Variants in BNC2 observed in about 807,000 individuals in gnomAD.
BNC2 encodes the protein zinc finger protein basonuclin-2.
A neutral mutation model predicts 76.3 loss-of-function variants in BNC2; 20 were observed. That is an observed-to-expected ratio of 0.26 (90% CI 0.18 to 0.38). The LOEUF (loss-of-function observed/expected upper bound fraction) is 0.38, where lower values mean the gene tolerates loss of function less well. BNC2 is among the 10% of genes least tolerant of loss of function. The pLI is 1.00. For missense variants in BNC2, 1,382 were observed against 1,399.8 expected (o/e 0.99, Z 0.20); for synonymous variants, 582 against 514.8 (o/e 1.13, Z -1.77).
At chr9:16,493,852 CAG>C (rs1273045439) in intron 5 of BNC2, among the ~76,000 whole-genome samples, 1 of 152,074 alleles carries the variant, frequency 6.6e-6, no homozygotes, top group Non-Finnish European at 1.5e-5. Context: ...TAGAAAGGCA[CAG>C]AGAGTGGAGG....
At chr9:16,454,340 T>G (rs574352760) in intron 5 of BNC2, among the ~76,000 whole-genome samples, 140 of 114,314 alleles carry the variant, frequency 1.2e-3, no homozygotes, top group African/African-American at 6.6e-3. Context: ...TCTCACTCTG[T>G]TGCCCAGGCT....
chr9:16,635,757 A>G (rs1821304393), intron 3 of BNC2, among the ~76,000 whole-genome samples: 1 of 152,248 alleles, frequency 6.6e-6, no homozygotes, highest in South Asian at 2.1e-4. Context: ...TCAACAGATA[A>G]GCTACAGAAA....
At chr9:16,804,742 T>C (rs752489329) in intron 1 of BNC2, among the ~76,000 whole-genome samples, 1 of 152,114 alleles carries the variant, frequency 6.6e-6, no homozygotes, top group Non-Finnish European at 1.5e-5. Context: ...TTTTCACTGC[T>C]TGGGGGAGAT....
rs532693424 is a variant in BNC2, at chr9:16,818,897, G to C, written c.3+51749C>G. The stretch of plus-strand genomic sequence containing the variant: ...AAGCGGTTAAGAAGTACTTTAGCTA[G>C]AGAATACTGCAGATCTCTTCCATTT... On this transcript the variant is annotated intron_variant, in intron 1 of 6. Coordinates refer to ENST00000380672, the MANE Select transcript of BNC2 (RefSeq NM_017637.6). 3.9e-5 allele frequency among the ~76,000 whole-genome samples: 6 copies of C among 152,234 alleles called. No homozygotes were observed. In the East Asian group the frequency reaches 7.7e-4, roughly 20 times the overall value.
chr9:16,723,299 T>C (rs865998628), intron 3 of BNC2, among the ~76,000 whole-genome samples: 5 of 152,078 alleles, frequency 3.3e-5, no homozygotes, highest in African/African-American at 1.2e-4. Flanking sequence ...ATCAGCTGCT[T>C]TACTCAGGGC....
At chr9:16,734,703 GA>G (rs1824613905) in intron 2 of BNC2, among the ~76,000 whole-genome samples, 1 of 152,128 alleles carries the variant, frequency 6.6e-6, no homozygotes, top group East Asian at 1.9e-4. Context: ...TTACACATAA[GA>G]ACATGATATC....
intron 3 of BNC2, among the ~76,000 whole-genome samples, chr9:16,707,969 C>A (rs1563909090): frequency 2.6e-5 from 4 of 152,146 alleles, no homozygotes; most frequent in Admixed American, 1.3e-4. Flanking sequence ...TAAGTATTCA[C>A]TACTATGGTA....
At chr9:16,840,915 T>C (rs1049890766) in intron 1 of BNC2, among the ~76,000 whole-genome samples, 10 of 152,222 alleles carry the variant, frequency 6.6e-5, no homozygotes, top group African/African-American at 1.9e-4. Context: ...GGCCTAACTG[T>C]AGATAATATT....
intron 1 of BNC2, among the ~76,000 whole-genome samples, chr9:16,746,304 A>C (rs1034903940): frequency 6.6e-6 from 1 of 152,092 alleles, no homozygotes; most frequent in Non-Finnish European, 1.5e-5. Context: ...ACCTGACTGC[A>C]ATCAGTGTCA....
intron 5 of BNC2, among the ~76,000 whole-genome samples, chr9:16,540,487 TA>T (rs1333365943): frequency 6.6e-6 from 1 of 152,192 alleles, no homozygotes; most frequent in Non-Finnish European, 1.5e-5. Flanking sequence ...TCTCTATATC[TA>T]AAACTTTGAC....
intron 3 of BNC2, among the ~76,000 whole-genome samples, chr9:16,698,880 G>A (rs536821093): frequency 6.6e-6 from 1 of 152,274 alleles, no homozygotes; most frequent in Admixed American, 6.5e-5. Context: ...CAGTTCCTTG[G>A]TGATAGCCCT....
At position 16,745,445 on chromosome 9, in the gene BNC2, T is replaced by C. The variant is rs146332156; in HGVS notation, c.4-6960A>G. On this transcript the variant is annotated intron_variant, in intron 1 of 6. Coordinates refer to ENST00000380672, the MANE Select transcript of BNC2 (RefSeq NM_017637.6). Reference sequence around the variant, plus strand: ...GTGAGGCGTTAAAGAATTAAAGATATGGTAACAGAAACGTATGTTCCTTCC... The same window carrying C: ...GTGAGGCGTTAAAGAATTAAAGATACGGTAACAGAAACGTATGTTCCTTCC... Among the ~76,000 whole-genome samples, 838 of 152,292 alleles carry C rather than the reference T, an allele frequency of 5.5e-3. 15 individuals carry two copies. Among genetic ancestry groups the C allele is most frequent in the South Asian group, 0.025 (120 of 4,818 alleles).
At chr9:16,582,855 A>T (rs1290672413) in intron 4 of BNC2, 128 bp downstream of exon 4, 40 of 727,808 alleles carry the variant, frequency 5.5e-5, no homozygotes, top group Non-Finnish European at 8.5e-5. Context: ...AGCACAGCTG[A>T]CCTCTCTCTT....
chr9:16,590,309 C>T (rs1819889174), intron 3 of BNC2, among the ~76,000 whole-genome samples: 1 of 152,068 alleles, frequency 6.6e-6, no homozygotes, highest in South Asian at 2.1e-4. Context: ...TCTCCTGCCT[C>T]AGCCTCCCAC....
At chr9:16,661,786 C>T (rs1407074353) in intron 3 of BNC2, among the ~76,000 whole-genome samples, 1 of 152,026 alleles carries the variant, frequency 6.6e-6, no homozygotes, top group African/African-American at 2.4e-5. Flanking sequence ...TGTAAATACA[C>T]ATAAGAAAAA....
At chr9:16,835,028 A>G (rs1818669151) in intron 1 of BNC2, among the ~76,000 whole-genome samples, 1 of 152,184 alleles carries the variant, frequency 6.6e-6, no homozygotes, top group Non-Finnish European at 1.5e-5. Flanking sequence ...AGCGAGTTTC[A>G]TTCACTTATA....
chr9:16,838,629 C>T (rs1343429026), intron 1 of BNC2, among the ~76,000 whole-genome samples: 1 of 152,174 alleles, frequency 6.6e-6, no homozygotes, highest in Non-Finnish European at 1.5e-5. Context: ...AAAAACTGAT[C>T]ACCACAGAAT....
At chr9:16,642,611 C>A (rs1007540647) in intron 3 of BNC2, among the ~76,000 whole-genome samples, 1 of 152,164 alleles carries the variant, frequency 6.6e-6, no homozygotes, top group Non-Finnish European at 1.5e-5. Flanking sequence ...AGTGGCCAAG[C>A]GTCCATTTGG....
chr9:16,613,326 A>G lies in BNC2; in HGVS notation c.331-30241T>C, dbSNP rs2133455488. Among the ~76,000 whole-genome samples the G allele has an allele frequency of 2.6e-5, 4 of 152,322 alleles. No homozygotes were observed. In the South Asian group the frequency reaches 8.3e-4, roughly 32 times the overall value. On this transcript the variant is annotated intron_variant, in intron 3 of 6. Coordinates refer to ENST00000380672, the MANE Select transcript of BNC2 (RefSeq NM_017637.6). ...TACTGTGTTAAAGAAATAACAAGAA[A>G]TATGCAAAACTTCTAGGAAAAAAAT...
Sources: gnomAD v4.1 joint callset for allele counts (sites outside exome capture counted in the v4.1 genomes callset) on GRCh38, gnomAD v4.1.1 for gene constraint, MANE v1.5 for transcripts, NCBI Gene and HGNC (gene_info 2026-07-23, HGNC 2026-07-21) for gene names.